The following TMEM126A variants were observed in gnomAD, a reference collection of about 807,000 sequenced individuals.
TMEM126A encodes the protein optic atrophy 7.
A neutral mutation model predicts 18.3 loss-of-function variants in TMEM126A; 10 were observed. The ratio of observed to expected loss-of-function variants is 0.55; its 90% confidence interval spans 0.34 to 0.93. TMEM126A has a LOEUF of 0.93. TMEM126A is among the 40% of genes least tolerant of loss of function. The pLI is 0.02. For missense variants in TMEM126A, 246 were observed against 230.2 expected, an observed-to-expected ratio of 1.07 and a Z score of -0.44; for synonymous variants, 68 against 78.1, an observed-to-expected ratio of 0.87 and a Z score of 0.68.
At chr11:85,650,428 A>G in intron 2 of TMEM126A, 87 bp downstream of exon 2, 1 of 1,006,982 alleles carries the variant, frequency 9.9e-7, no homozygotes, top group Non-Finnish European at 1.5e-6. Flanking sequence ...TGGTTTGAGT[A>G]TAAACAACAT....
chr11:85,654,732 C>T (rs925745042), intron 3 of TMEM126A, among the ~76,000 whole-genome samples: 1 of 152,076 alleles, frequency 6.6e-6, no homozygotes, highest in East Asian at 1.9e-4. Context: ...GGATTACAGG[C>T]GTGAGCCACT....
In TMEM126A at chr11:85,656,394, T is replaced by C. The variant is rs747015909; in HGVS notation, c.481T>C (p.Phe161Leu). 2 of 1,613,356 alleles carry C rather than the reference T, an allele frequency of 1.2e-6. No individual in the cohort carries two copies. Among genetic ancestry groups the C allele is most frequent in the South Asian group, 2.2e-5 (2 of 91,052 alleles). ...TSKPVFRKML[F>L]PILLQTMFSA... ...TAAGCCTGTCTTTAGAAAGATGTTA[T>C]TTCCTATTTTGCTCCAGACTATGTT... is the stretch of plus-strand genomic sequence containing the variant. Residue 161 changes from phenylalanine (F) to leucine (L), a missense_variant, in exon 5 of 5, where the codon TTT becomes CTT. By Grantham distance (22) the Phe-to-Leu change is conservative (BLOSUM62 0). Coordinates refer to ENST00000304511, the MANE Select transcript of TMEM126A (RefSeq NM_032273.4).
intron 2 of TMEM126A, 82 bp downstream of exon 2, chr11:85,650,423 T>G: frequency 9.4e-7 from 1 of 1,062,646 alleles, no homozygotes; most frequent in Non-Finnish European, 1.4e-6. Context: ...TTATCTGGTT[T>G]GAGTATAAAC....
intron 3 of TMEM126A, chr11:85,655,350 GATT>G (rs2082529803): frequency 1.2e-5 from 5 of 418,540 alleles, no homozygotes; most frequent in East Asian, 1.0e-4. Flanking sequence ...CAAACCATGA[GATT>G]ATTATATCTA....
At chr11:85,649,306 A>G (rs1444649046) in intron 1 of TMEM126A, among the ~76,000 whole-genome samples, 1 of 151,890 alleles carries the variant, frequency 6.6e-6, no homozygotes. Context: ...TCACATTTTC[A>G]CCCTAACTAG....
chr11:85,651,629 A>G (rs2082500422), intron 2 of TMEM126A, among the ~76,000 whole-genome samples: 1 of 152,130 alleles, frequency 6.6e-6, no homozygotes, highest in Non-Finnish European at 1.5e-5. Context: ...CATCTTAATC[A>G]GGGAGAACCC....
intron 2 of TMEM126A, among the ~76,000 whole-genome samples, 199 bp from the exon 3 acceptor site, chr11:85,653,864 G>T (rs1358641086): frequency 6.6e-6 from 1 of 152,172 alleles, no homozygotes; most frequent in African/African-American, 2.4e-5. Flanking sequence ...TATTATGGGA[G>T]CTCAGGAGAG....
In TMEM126A at chr11:85,654,108, T is replaced by C. The variant is rs756585559; in HGVS notation, c.132T>C (p.Ala44=). Residue 44 remains alanine (A), a synonymous_variant, in exon 3 of 5, where the codon GCT becomes GCC. Transcript: ENST00000304511. ...CGGTTTATGTTGGATTAAATGCTGC[T>C]CTTTGTGGCCTCATAGCAAACAGTC... ...NGSVYVGLNA[A]LCGLIANSLF... is the part of the protein sequence containing the mutation. The C allele has an allele frequency of 1.9e-6, 3 of 1,614,226 alleles. No individual in the cohort carries two copies. Among genetic ancestry groups the C allele is most frequent in the Non-Finnish European group, 2.5e-6 (3 of 1,180,040 alleles).
chr11:85,654,631 T>G (rs1355874111), intron 3 of TMEM126A, among the ~76,000 whole-genome samples: 1 of 152,092 alleles, frequency 6.6e-6, no homozygotes, highest in East Asian at 1.9e-4. Flanking sequence ...TTTTGTATTT[T>G]TAGTAGAGAC....
intron 3 of TMEM126A, chr11:85,655,378 T>C: frequency 2.1e-6 from 1 of 486,614 alleles, no homozygotes; most frequent in Non-Finnish European, 3.7e-6. Flanking sequence ...GAGAACAAAT[T>C]AGAGAACTTT....
At chr11:85,654,001 G>T in intron 2 of TMEM126A, 62 bp from the exon 3 acceptor site, 1 of 1,576,662 alleles carries the variant, frequency 6.3e-7, no homozygotes, top group Non-Finnish European at 8.7e-7. Context: ...CACATGTCAA[G>T]ATCGGGAAAG....
chr11:85,649,938 T>C (rs1401417917), intron 1 of TMEM126A, among the ~76,000 whole-genome samples: 1 of 152,254 alleles, frequency 6.6e-6, no homozygotes, highest in Non-Finnish European at 1.5e-5. Context: ...CTAGCTTATC[T>C]TTATGGTATA....
intron 1 of TMEM126A, among the ~76,000 whole-genome samples, chr11:85,649,098 C>G (rs1046726818): frequency 4.6e-5 from 7 of 152,166 alleles, no homozygotes; most frequent in Admixed American, 3.9e-4. Context: ...CCGTGCCTGG[C>G]TAATTTTTGT....
At chr11:85,653,859 T>C (rs1284930380) in intron 2 of TMEM126A, among the ~76,000 whole-genome samples, 1 of 152,186 alleles carries the variant, frequency 6.6e-6, no homozygotes, top group Admixed American at 6.5e-5. Context: ...TTAATTATTA[T>C]GGGAGCTCAG....
At chr11:85,654,955 A>G (rs1209375544) in intron 3 of TMEM126A, among the ~76,000 whole-genome samples, 1 of 151,774 alleles carries the variant, frequency 6.6e-6, no homozygotes, top group African/African-American at 2.4e-5. Context: ...AAATATTTTT[A>G]TGGGAATAAC....
chr11:85,652,681 G>C (rs2082509710), intron 2 of TMEM126A, among the ~76,000 whole-genome samples: 1 of 152,008 alleles, frequency 6.6e-6, no homozygotes, highest in Admixed American at 6.6e-5. Flanking sequence ...CCTTAGCTAT[G>C]GGAAAAATCT....
In TMEM126A at chr11:85,654,216, CTTAACTTACAGATGTT is replaced by C. The variant is rs745619852; in HGVS notation, c.243_258del (p.Thr82Ter). On this transcript the variant is annotated frameshift_variant, in exon 3 of 5. Transcript: ENST00000304511. LOFTEE classifies it high-confidence loss of function. Reference sequence around the variant, plus strand: ...CAGGGATACCTTTTCTTACAACAGACTTAACTTACAGATGTTTTGTAAGTTTTCCTTTGAATACAGG... The same window carrying C: ...CAGGGATACCTTTTCTTACAACAGACTTGTAAGTTTTCCTTTGAATACAGG... 3.1e-6 allele frequency: 5 copies of C among 1,614,220 alleles called. No homozygotes were observed. Among genetic ancestry groups the C allele is most frequent in the Non-Finnish European group, 4.2e-6 (5 of 1,180,036 alleles).
rs200644739 is a variant in TMEM126A, at chr11:85,655,883, AAC to A, written c.395+177_395+178del. Among the ~76,000 whole-genome samples, 170 of 152,306 alleles carry A rather than the reference AAC, an allele frequency of 1.1e-3. 2 individuals carry two copies. In the East Asian group the frequency reaches 0.024, roughly 22 times the overall value. Reference sequence around the variant, plus strand: ...GAAATTCTACTTATCAAGAATTTCAAACAGTTATACTTGGTGTGTAGTTAGGC... The same window carrying A: ...GAAATTCTACTTATCAAGAATTTCAAAGTTATACTTGGTGTGTAGTTAGGC... On this transcript the variant is annotated intron_variant, in intron 4 of 4. Transcript: ENST00000304511.
rs746874453 is a variant in TMEM126A, at chr11:85,654,051, T to C, written c.87-12T>C. The C allele has an allele frequency of 4.3e-6, 7 of 1,614,158 alleles. No homozygotes were observed. In the East Asian group the frequency reaches 1.6e-4, roughly 36 times the overall value. On this transcript the variant is annotated splice_polypyrimidine_tract_variant and intron_variant, in intron 2 of 4. Transcript: ENST00000304511. ...AATGCCAAAGAAAAGTTCTTTCTTCTCACCCTTTCAGGAATCTACTTGAAA... is the reference window on the plus strand; with the variant it reads ...AATGCCAAAGAAAAGTTCTTTCTTCCCACCCTTTCAGGAATCTACTTGAAA...
Sources: allele counts gnomAD v4.1 joint callset (sites outside exome capture counted in the v4.1 genomes callset), GRCh38; gene constraint gnomAD v4.1.1; transcripts MANE v1.5; gene names NCBI Gene and HGNC (gene_info 2026-07-23, HGNC 2026-07-21).